PIBF1: variants seen among roughly 807,000 people sequenced by gnomAD.
PIBF1 encodes the protein progesterone immunomodulatory binding factor 1.
A neutral mutation model predicts 112.5 loss-of-function variants in PIBF1; 90 were observed. The ratio of observed to expected loss-of-function variants is 0.80; its 90% CI spans 0.67 to 0.95. PIBF1 has a LOEUF of 0.95. Ranked by LOEUF, PIBF1 falls within the 40% of genes least tolerant of loss-of-function variation. The pLI is 0.00. For synonymous variants in PIBF1, 301 were observed against 288.6 expected, an observed-to-expected ratio of 1.04 and a Z score of -0.44; for missense variants, 915 against 852.3, an observed-to-expected ratio of 1.07 and a Z score of -0.92.
At chr13:72,972,485 G>A (rs919229936) in intron 15 of PIBF1, among the ~76,000 whole-genome samples, 1 of 152,138 alleles carries the variant, frequency 6.6e-6, no homozygotes, top group Non-Finnish European at 1.5e-5. Flanking sequence ...CCAGCATGGT[G>A]AAACCCCATC....
At chr13:72,901,328 G>T (rs913164265) in intron 11 of PIBF1, among the ~76,000 whole-genome samples, 1 of 152,122 alleles carries the variant, frequency 6.6e-6, no homozygotes, top group African/African-American at 2.4e-5. Flanking sequence ...AATGATTGGG[G>T]AAATGCAAAA....
At chr13:72,887,092 A>G (rs1594126001) in intron 10 of PIBF1, among the ~76,000 whole-genome samples, 1 of 141,924 alleles carries the variant, frequency 7.0e-6, no homozygotes, top group Non-Finnish European at 1.5e-5. Flanking sequence ...ATAATTTTAT[A>G]TGTACATTTT....
At chr13:72,987,206 G>A (rs956556762) in intron 16 of PIBF1, among the ~76,000 whole-genome samples, 1 of 151,996 alleles carries the variant, frequency 6.6e-6, no homozygotes, top group African/African-American at 2.4e-5. Context: ...AAGTAGGCAC[G>A]TAAAACAGGC....
At chr13:72,982,268 T>G (rs1453863096) in intron 16 of PIBF1, among the ~76,000 whole-genome samples, 2 of 151,952 alleles carry the variant, frequency 1.3e-5, no homozygotes, top group South Asian at 4.1e-4. Context: ...TGAAACTGTC[T>G]CTACAAAAAA....
In PIBF1 at chr13:72,794,011, G is replaced by A. The variant is rs141765156; in HGVS notation, c.354-1348G>A. On this transcript the variant is annotated intron_variant, in intron 3 of 17. Coordinates refer to ENST00000326291, the MANE Select transcript of PIBF1 (RefSeq NM_006346.4). ...ACTAGATGAATTCCCCAAGGAGTGC[G>A]TACAGACAGAAGAGGACCAAGTACT... Among the ~76,000 whole-genome samples the A allele has an allele frequency of 1.7e-3, 264 of 152,228 alleles. 1 individual carries two copies. The highest frequency in any genetic ancestry group is 2.4e-3 in the Non-Finnish European group (164 of 68,010).
chr13:72,893,294 T>TACAAA (rs1311995913), intron 10 of PIBF1, among the ~76,000 whole-genome samples: 7 of 152,046 alleles, frequency 4.6e-5, no homozygotes, highest in Admixed American at 2.0e-4. Flanking sequence ...TACATTTTTT[T>TACAAA]CTTGTAATAT....
chr13:72,924,872 A>G (rs1229731094), intron 13 of PIBF1, among the ~76,000 whole-genome samples: 1 of 152,232 alleles, frequency 6.6e-6, no homozygotes, highest in African/African-American at 2.4e-5. Context: ...GTACTATATC[A>G]TATGTTGGGT....
chr13:72,813,574 T>G (rs1332375254), intron 5 of PIBF1, among the ~76,000 whole-genome samples: 1 of 152,182 alleles, frequency 6.6e-6, no homozygotes, highest in African/African-American at 2.4e-5. Flanking sequence ...ACCAAAACAT[T>G]ACTCCCTTTT....
intron 6 of PIBF1, among the ~76,000 whole-genome samples, chr13:72,824,862 T>A (rs1173135862): frequency 6.6e-6 from 1 of 152,192 alleles, no homozygotes; most frequent in Non-Finnish European, 1.5e-5. Context: ...CATACCTCAG[T>A]ACATCTTCAC....
rs959769608 is a variant in PIBF1, at chr13:72,917,117, G to A, written c.1681G>A (p.Gly561Ser). Reference protein sequence around the residue: ...DEAERVLFSYGYGANVPTTAK... With the variant: ...DEAERVLFSYSYGANVPTTAK... The stretch of plus-strand genomic sequence containing the variant: ...GGCTGAAAGGGTTCTTTTTTCCTAC[G>A]GCTATGGTGCTAATGTTCCCACAAC... Residue 561 changes from glycine (G) to serine (S), a missense_variant, in exon 13 of 18, where the codon GGC becomes AGC. Transcript: ENST00000326291. The A allele has an allele frequency of 6.3e-6, 10 of 1,597,088 alleles. No homozygotes were observed. In the African/African-American group the frequency reaches 8.1e-5, roughly 13 times the overall value.
chr13:73,004,624 A>G (rs1371854949), intron 17 of PIBF1, among the ~76,000 whole-genome samples: 2 of 152,188 alleles, frequency 1.3e-5, no homozygotes, highest in African/African-American at 4.8e-5. Context: ...CTTTCTTACT[A>G]TATTCTTACG....
At chr13:72,823,424 A>G (rs971704781) in intron 6 of PIBF1, among the ~76,000 whole-genome samples, 1 of 152,208 alleles carries the variant, frequency 6.6e-6, no homozygotes, top group East Asian at 1.9e-4. Context: ...AAAAAGCATG[A>G]TAAGCATCTT....
chr13:72,975,002 G>A (rs2042984403), intron 16 of PIBF1, among the ~76,000 whole-genome samples: 1 of 151,470 alleles, frequency 6.6e-6, no homozygotes, highest in African/African-American at 2.4e-5. Flanking sequence ...AACTATCACT[G>A]CCTCATCTTA....
intron 2 of PIBF1, among the ~76,000 whole-genome samples, chr13:72,785,991 G>C (rs2034579057): frequency 6.6e-6 from 1 of 152,154 alleles, no homozygotes; most frequent in South Asian, 2.1e-4. Flanking sequence ...GATGCACACA[G>C]TTTGGGTTTT....
At chr13:73,015,656 AAC>A (rs927757488) in intron 17 of PIBF1, among the ~76,000 whole-genome samples, 5 of 152,196 alleles carry the variant, frequency 3.3e-5, no homozygotes, top group Non-Finnish European at 2.9e-5. Context: ...TGAGCAAGAA[AAC>A]ACAGTTTTTT....
intron 14 of PIBF1, among the ~76,000 whole-genome samples, chr13:72,940,051 G>A (rs956232781): frequency 1.3e-5 from 2 of 151,888 alleles, no homozygotes; most frequent in African/African-American, 4.8e-5. Context: ...GGGTTTTGTT[G>A]AACATCTTAC....
At chr13:73,015,449 A>G (rs1379400995) in intron 17 of PIBF1, among the ~76,000 whole-genome samples, 2 of 152,258 alleles carry the variant, frequency 1.3e-5, no homozygotes, top group Non-Finnish European at 2.9e-5. Context: ...ATACTTAGAA[A>G]TTCATAAGAT....
At chr13:72,943,667 T>C (rs1173182400) in intron 14 of PIBF1, among the ~76,000 whole-genome samples, 3 of 152,184 alleles carry the variant, frequency 2.0e-5, no homozygotes, top group African/African-American at 7.2e-5. Flanking sequence ...TCTTCCCAAA[T>C]CTTCACTTGC....
chr13:72,798,231 T>G (rs2035293149), intron 5 of PIBF1, among the ~76,000 whole-genome samples: 1 of 152,236 alleles, frequency 6.6e-6, no homozygotes, highest in Admixed American at 6.5e-5. Context: ...TATTGACGTA[T>G]CCTATAGTTG....
Sources: allele counts gnomAD v4.1 joint callset (sites outside exome capture counted in the v4.1 genomes callset), GRCh38; gene constraint gnomAD v4.1.1; transcripts MANE v1.5; gene names NCBI Gene and HGNC (gene_info 2026-07-23, HGNC 2026-07-21).